The following ZFAT variants were observed in gnomAD, a reference collection of about 807,000 sequenced individuals.
The protein encoded by ZFAT is zinc finger protein ZFAT.
ZFAT carries 64 observed loss-of-function variants against 117.7 expected under a neutral mutation model. That is an observed-to-expected ratio of 0.54 (90% CI 0.44 to 0.67). The LOEUF (loss-of-function observed/expected upper bound fraction) is 0.67, where lower values mean the gene tolerates loss of function less well. Ranked by LOEUF, ZFAT falls within the 30% of genes least tolerant of loss-of-function variation. The probability of loss-of-function intolerance (pLI) is 0.00; values close to 1 mark genes in which losing one functional copy is unlikely to be tolerated. For missense variants in ZFAT, 1,433 were observed against 1,584.5 expected, an observed-to-expected ratio of 0.90 and a Z score of 1.62; for synonymous variants, 679 against 615.0, an observed-to-expected ratio of 1.10 and a Z score of -1.54.
intron 1 of ZFAT, among the ~76,000 whole-genome samples, chr8:134,658,070 G>A (rs528975039): frequency 6.6e-6 from 1 of 152,350 alleles, no homozygotes; most frequent in South Asian, 2.1e-4. Context: ...GGGCGCGGTG[G>A]CGCACGCCTG....
intron 11 of ZFAT, among the ~76,000 whole-genome samples, chr8:134,550,857 C>T (rs914983971): frequency 4.6e-5 from 7 of 152,220 alleles, no homozygotes; most frequent in East Asian, 1.9e-4. Context: ...CCACCCGCCA[C>T]GTTCAAAATT....
chr8:134,595,298 C>A (rs568329200), intron 7 of ZFAT, among the ~76,000 whole-genome samples: 11 of 152,106 alleles, frequency 7.2e-5, no homozygotes, highest in South Asian at 2.1e-4. Context: ...ATAAGATATC[C>A]TAGCTGTGAA....
the ZFAT span, among the ~76,000 whole-genome samples, chr8:134,745,264 CCTGGT>C: frequency 6.6e-6 from 1 of 152,116 alleles, no homozygotes; most frequent in Non-Finnish European, 1.5e-5. Flanking sequence ...ACCACGGTTC[CCTGGT>C]CTAACTCCTT....
At chr8:134,505,331 G>A (rs138675909) in intron 15 of ZFAT, among the ~76,000 whole-genome samples, 15 of 152,272 alleles carry the variant, frequency 9.9e-5, no homozygotes, top group Admixed American at 6.5e-4. Flanking sequence ...TAGACTATTT[G>A]CCTCTTGAGA....
intron 2 of ZFAT, among the ~76,000 whole-genome samples, chr8:134,646,682 C>T (rs1830916624): frequency 6.6e-6 from 1 of 151,260 alleles, no homozygotes; most frequent in Non-Finnish European, 1.5e-5. Flanking sequence ...AAAGAGAGGC[C>T]ACAAATGAAT....
intron 15 of ZFAT, among the ~76,000 whole-genome samples, chr8:134,486,067 C>G (rs1050328336): frequency 2.0e-5 from 3 of 152,206 alleles, no homozygotes; most frequent in Non-Finnish European, 4.4e-5. Flanking sequence ...ACTTAGCTCT[C>G]AACACATAAA....
chr8:134,585,854 G>C (rs999000062), intron 9 of ZFAT, among the ~76,000 whole-genome samples: 2 of 152,168 alleles, frequency 1.3e-5, no homozygotes, highest in Non-Finnish European at 2.9e-5. Flanking sequence ...TGACTATTAG[G>C]AAACCTTGAA....
intron 8 of ZFAT, among the ~76,000 whole-genome samples, chr8:134,588,750 T>C (rs1259180197): frequency 6.6e-6 from 1 of 152,084 alleles, no homozygotes; most frequent in Non-Finnish European, 1.5e-5. Flanking sequence ...CATAATGAAC[T>C]AAACCACTAG....
rs1817842760 is a variant in ZFAT, at chr8:134,488,884, A to G, written c.3493-10163T>C. Among the ~76,000 whole-genome samples, 3 of 151,148 alleles carry G rather than the reference A, an allele frequency of 2.0e-5. No individual in the cohort carries two copies. In the South Asian group the frequency reaches 6.3e-4, roughly 32 times the overall value. The stretch of plus-strand genomic sequence containing the variant: ...AGAGATGGGGAAAAGCACCGGGCAG[A>G]GCAAAGGGTGTAGCAACAGCCCAAG... On this transcript the variant is annotated intron_variant, in intron 15 of 15. Coordinates refer to ENST00000377838, the MANE Select transcript of ZFAT (RefSeq NM_020863.4).
the ZFAT span, among the ~76,000 whole-genome samples, chr8:134,804,378 T>C: frequency 6.6e-6 from 1 of 151,972 alleles, no homozygotes; most frequent in Admixed American, 6.6e-5. Context: ...TCACTCAGGG[T>C]GAGGGGAACA....
chr8:134,787,579 A>G, the ZFAT span, among the ~76,000 whole-genome samples: 1 of 152,182 alleles, frequency 6.6e-6, no homozygotes, highest in African/African-American at 2.4e-5. Flanking sequence ...AGTGTTAATT[A>G]CAACTACACT....
intron 1 of ZFAT, among the ~76,000 whole-genome samples, chr8:134,688,064 C>A (rs1312867540): frequency 6.6e-6 from 1 of 152,054 alleles, no homozygotes; most frequent in African/African-American, 2.4e-5. Flanking sequence ...ATGGAGATAA[C>A]CACAGCTGCC....
At chr8:134,717,722 G>A (rs1020737923), upstream of ZFAT, among the ~76,000 whole-genome samples, 5 of 151,128 alleles carry the variant, frequency 3.3e-5, no homozygotes, top group Admixed American at 6.6e-5. Flanking sequence ...TCCTGACCTC[G>A]TGATCCGCCT....
chr8:134,684,321 C>A (rs1267390522), intron 1 of ZFAT, among the ~76,000 whole-genome samples: 1 of 152,030 alleles, frequency 6.6e-6, no homozygotes, highest in Non-Finnish European at 1.5e-5. Context: ...CATGTGTAAT[C>A]CAAGAAAAAT....
intron 2 of ZFAT, among the ~76,000 whole-genome samples, chr8:134,638,819 G>A (rs1160911574): frequency 1.3e-5 from 2 of 151,964 alleles, no homozygotes; most frequent in South Asian, 2.1e-4. Context: ...CTTCAACGAT[G>A]AGACTTAGGA....
chr8:134,712,165 G>C (rs1359576148), intron 1 of ZFAT, among the ~76,000 whole-genome samples: 1 of 152,344 alleles, frequency 6.6e-6, no homozygotes, highest in East Asian at 1.9e-4. Context: ...GTTGGAGGAA[G>C]TTAATTTTTA....
chr8:134,513,230 C>T (rs1819992734), intron 13 of ZFAT, among the ~76,000 whole-genome samples: 1 of 149,344 alleles, frequency 6.7e-6, no homozygotes, highest in Non-Finnish European at 1.5e-5. Flanking sequence ...CAGAGTCTCG[C>T]TCTGTCACCC....
At chr8:134,537,251 A>C (rs112460287) in intron 11 of ZFAT, among the ~76,000 whole-genome samples, 3,785 of 152,322 alleles carry the variant, frequency 0.025, 154 homozygotes, top group African/African-American at 0.087. Flanking sequence ...ATAGTTTCAC[A>C]GTCTCCCAGC....
At chr8:134,613,874 C>T (rs1828531559) in intron 3 of ZFAT, among the ~76,000 whole-genome samples, 1 of 152,200 alleles carries the variant, frequency 6.6e-6, no homozygotes, top group South Asian at 2.1e-4. Flanking sequence ...CATGATAATG[C>T]CTTGGGCATC....
Sources: allele counts gnomAD v4.1 joint callset (sites outside exome capture counted in the v4.1 genomes callset), GRCh38; gene constraint gnomAD v4.1.1; transcripts MANE v1.5; gene names NCBI Gene and HGNC (gene_info 2026-07-23, HGNC 2026-07-21).